The following LRRC8B variants were observed in gnomAD, a reference collection of about 807,000 sequenced individuals.
The protein encoded by LRRC8B is leucine rich repeat containing 8 VRAC subunit B.
Under a neutral mutation model 58.8 loss-of-function variants are expected in LRRC8B, and 23 were observed. The observed-to-expected ratio is 0.39, with a 90% confidence interval of 0.28 to 0.55. LRRC8B has a LOEUF of 0.55. LRRC8B is among the 20% of genes least tolerant of loss of function. The probability of loss-of-function intolerance (pLI) is 0.62; values close to 1 mark genes in which losing one functional copy is unlikely to be tolerated. For synonymous variants in LRRC8B, 359 were observed against 374.1 expected (o/e 0.96, Z 0.47); for missense variants, 694 against 936.0 (o/e 0.74, Z 3.37).
chr1:89,531,190 A>G (rs951677026), intron 1 of LRRC8B, among the ~76,000 whole-genome samples: 7 of 152,224 alleles, frequency 4.6e-5, no homozygotes, highest in Admixed American at 3.3e-4. Flanking sequence ...TCCTAAGCTA[A>G]GCAATGACTT....
intron 1 of LRRC8B, among the ~76,000 whole-genome samples, chr1:89,530,429 ACACT>A (rs1650042026): frequency 6.6e-6 from 1 of 151,980 alleles, no homozygotes; most frequent in Non-Finnish European, 1.5e-5. Context: ...TCTCAATATG[ACACT>A]CAGGAATAAT....
intron 3 of LRRC8B, among the ~76,000 whole-genome samples, chr1:89,574,957 C>T (rs935584112): frequency 3.9e-5 from 6 of 152,170 alleles, no homozygotes; most frequent in African/African-American, 9.7e-5. Context: ...CTCAGCTAGA[C>T]GGAAGGGCTT....
At chr1:89,569,121 A>G (rs1338063597) in intron 3 of LRRC8B, among the ~76,000 whole-genome samples, 1 of 152,186 alleles carries the variant, frequency 6.6e-6, no homozygotes, top group Non-Finnish European at 1.5e-5. Context: ...TTCTGAATAC[A>G]GCTTAAAAGT....
intron 1 of LRRC8B, among the ~76,000 whole-genome samples, chr1:89,545,731 G>C (rs1651350408): frequency 6.6e-6 from 1 of 152,092 alleles, no homozygotes; most frequent in Non-Finnish European, 1.5e-5. Context: ...TAAGAGTTAA[G>C]AACAAGAAGA....
intron 1 of LRRC8B, among the ~76,000 whole-genome samples, chr1:89,528,959 G>C (rs1180183561): frequency 2.6e-5 from 4 of 152,060 alleles, no homozygotes; most frequent in African/African-American, 4.8e-5. Flanking sequence ...ATAGAGACTG[G>C]GAAATACTAT....
intron 1 of LRRC8B, among the ~76,000 whole-genome samples, chr1:89,538,021 T>C (rs894465901): frequency 1.3e-5 from 2 of 152,232 alleles, no homozygotes; most frequent in African/African-American, 4.8e-5. Context: ...GCATCATTTT[T>C]ATTTACACAG....
chr1:89,556,982 C>T (rs935348710), intron 1 of LRRC8B, among the ~76,000 whole-genome samples: 2 of 152,212 alleles, frequency 1.3e-5, no homozygotes, highest in African/African-American at 2.4e-5. Context: ...GGCAGTTAGG[C>T]GTGTGCACTC....
intron 1 of LRRC8B, among the ~76,000 whole-genome samples, chr1:89,541,229 G>A (rs1650941281): frequency 6.6e-6 from 1 of 152,118 alleles, no homozygotes; most frequent in South Asian, 2.1e-4. Context: ...AAAAATTATG[G>A]GCTCATTGGG....
In LRRC8B at chr1:89,525,011, G is replaced by A. The variant is rs2100750271; in HGVS notation, c.-252G>A. On this transcript the variant is annotated 5_prime_UTR_variant, in exon 1 of 6. Transcript: ENST00000330947. ...GCGGGGAGCGCGGGCGTCCGGGGCT[G>A]GAGTCGCGCAGGTAGGTCGGAGCGT... 6.6e-6 allele frequency: 1 copy of A among 152,362 alleles called. No homozygotes were observed. Among genetic ancestry groups the A allele is most frequent in the South Asian group, 2.1e-4 (1 of 4,832 alleles). 9.4% of individuals were successfully genotyped at this position (152,362 alleles called of 1,614,324 possible). A position where few individuals can be genotyped will look rare whatever the true frequency, so the allele number is the denominator to read the frequency against.
chr1:89,558,318 G>A (rs371975745), intron 1 of LRRC8B, among the ~76,000 whole-genome samples: 3 of 152,036 alleles, frequency 2.0e-5, no homozygotes, highest in East Asian at 1.9e-4. Context: ...GAAAGCAAGA[G>A]AAGCTGGAGA....
chr1:89,547,912 A>G (rs1384291333), intron 1 of LRRC8B, among the ~76,000 whole-genome samples: 1 of 152,222 alleles, frequency 6.6e-6, no homozygotes, highest in Non-Finnish European at 1.5e-5. Flanking sequence ...TCAGAAGGCT[A>G]CTTGCAGCTA....
rs769600143 is a variant in LRRC8B at position 89,595,196 on chromosome 1, G to C, written c.*2153G>C. On this transcript the variant is annotated 3_prime_UTR_variant, in exon 6 of 6. Transcript: ENST00000330947. The stretch of plus-strand genomic sequence containing the variant: ...CTTTAGTCAGAACATTCAGCTCTCA[G>C]GGAAGCAGGTATAACTGATGAAACT... The C allele has an allele frequency of 5.9e-5, 9 of 152,070 alleles. No individual in the cohort carries two copies. The highest frequency in any genetic ancestry group is 1.3e-4 in the Non-Finnish European group (9 of 67,974). The allele number at this position is 152,070 out of a possible 1,614,324, so 9.4% of individuals were successfully genotyped here. A position where few individuals can be genotyped will look rare whatever the true frequency, so the allele number is the denominator to read the frequency against.
chr1:89,584,672 G>A lies in LRRC8B; in HGVS notation c.2022G>A (p.Gln674=), dbSNP rs140590278. 50 of 1,613,860 alleles carry A rather than the reference G, an allele frequency of 3.1e-5. No individual in the cohort carries two copies. In the African/African-American group the frequency reaches 5.5e-4, roughly 18 times the overall value. Residue 674 remains glutamine (Q), a synonymous_variant, in exon 5 of 6, where the codon CAG becomes CAA. Coordinates refer to ENST00000330947, the MANE Select transcript of LRRC8B (RefSeq NM_001369817.2). ...ATAATATTGAGAATCTGCCCTTGCA[G>A]CTTTTCCTATGCACTAAACTACATT... ...DHNNIENLPL[Q]LFLCTKLHYL... is the part of the protein sequence containing the mutation.
At chr1:89,549,283 T>C (rs901563194) in intron 1 of LRRC8B, among the ~76,000 whole-genome samples, 1 of 152,208 alleles carries the variant, frequency 6.6e-6, no homozygotes, top group African/African-American at 2.4e-5. Flanking sequence ...AGAGAGGAGA[T>C]TGGTATTTAT....
intron 1 of LRRC8B, among the ~76,000 whole-genome samples, chr1:89,547,782 C>CA (rs959979849): frequency 3.6e-5 from 5 of 140,532 alleles, no homozygotes; most frequent in African/African-American, 1.3e-4. Context: ...CCAAGGACAG[C>CA]AAAAAGCTTT....
intron 1 of LRRC8B, among the ~76,000 whole-genome samples, chr1:89,565,365 T>C (rs1652971172): frequency 6.8e-6 from 1 of 148,086 alleles, no homozygotes; most frequent in African/African-American, 2.5e-5. Flanking sequence ...CCAACACTGA[T>C]TCAAAATGAC....
chr1:89,532,350 A>G lies in LRRC8B; in HGVS notation c.-241+7328A>G, dbSNP rs557898662. Among the ~76,000 whole-genome samples, 5 of 152,286 alleles carry G rather than the reference A, an allele frequency of 3.3e-5. No individual in the cohort carries two copies. In the East Asian group the frequency reaches 7.7e-4, roughly 24 times the overall value. The stretch of plus-strand genomic sequence containing the variant: ...GCCTGGTGTGTAGTAAACGTGCCAA[A>G]ACCGCTGCATGTGATAGTGGGTGAA... On this transcript the variant is annotated intron_variant, in intron 1 of 5. Transcript: ENST00000330947.
intron 1 of LRRC8B, among the ~76,000 whole-genome samples, chr1:89,525,369 G>C (rs1298054046): frequency 6.6e-6 from 1 of 152,196 alleles, no homozygotes; most frequent in African/African-American, 2.4e-5. Context: ...GTGAGTCCTC[G>C]GGGCGGGGCG....
intron 1 of LRRC8B, among the ~76,000 whole-genome samples, chr1:89,542,060 GA>G (rs1424252497): frequency 1.3e-5 from 2 of 152,150 alleles, no homozygotes; most frequent in African/African-American, 2.4e-5. Flanking sequence ...GGGAGCATTT[GA>G]AACTTGAACA....
Sources: allele counts gnomAD v4.1 joint callset (sites outside exome capture counted in the v4.1 genomes callset), GRCh38; gene constraint gnomAD v4.1.1; transcripts MANE v1.5; gene names NCBI Gene and HGNC (gene_info 2026-07-23, HGNC 2026-07-21).